The following DDX54 variants were observed in gnomAD, a reference collection of about 807,000 sequenced individuals.
DDX54 encodes DEAD-box helicase 54.
In DDX54, 67 loss-of-function variants were observed where a neutral mutation model predicts 105.5. That is an observed-to-expected ratio of 0.64 (90% CI 0.52 to 0.78). The LOEUF (loss-of-function observed/expected upper bound fraction) is 0.78. Among genes scored for constraint, DDX54 ranks in the 30% least tolerant of loss-of-function variants. The pLI is 0.00. For missense variants in DDX54, 1,206 were observed against 1,230.5 expected (o/e 0.98, Z 0.30); for synonymous variants, 514 against 509.9 (o/e 1.01, Z -0.11).
Position 113,174,697 on chromosome 12 carries a change from G to A in DDX54, c.1011C>T (p.Pro337=). The change falls in exon 10 of 20, where the codon CCC becomes CCT. Residue 337 remains proline (P), a synonymous_variant. Transcript: ENST00000306014. ...LLHLLHNVVR[P]QDQTVVFVAT... is the part of the protein sequence containing the mutation. ...CCACAAACACCACGGTCTGGTCCTG[G>A]GGCCGCACCACGTTGTGCAGCAGGT... The A allele has an allele frequency of 1.2e-6, 2 of 1,609,586 alleles. No homozygotes were observed. The highest frequency in any genetic ancestry group is 1.7e-6 in the Non-Finnish European group (2 of 1,176,200).
At chr12:113,177,393 G>C (rs751540935) in intron 5 of DDX54, 5 of 341,856 alleles carry the variant, frequency 1.5e-5, no homozygotes, top group Non-Finnish European at 2.1e-5. Context: ...TCCACCCACA[G>C]TGCCCCCAGC....
chr12:113,180,303 G>A (rs1952451669), intron 2 of DDX54, among the ~76,000 whole-genome samples: 2 of 152,112 alleles, frequency 1.3e-5, no homozygotes, highest in South Asian at 4.1e-4. Flanking sequence ...TTTAGGCGTG[G>A]TAAGGTCCTG....
At position 113,158,971 on chromosome 12, in the gene DDX54, G is replaced by T. The variant is rs764780884; in HGVS notation, c.2552C>A (p.Ser851Tyr). 1.2e-6 allele frequency: 2 copies of T among 1,611,434 alleles called. No individual in the cohort carries two copies. Among genetic ancestry groups the T allele is most frequent in the Non-Finnish European group, 1.7e-6 (2 of 1,179,162 alleles). ...FLQRGGLKQLSARNRRRVQEL... is the reference protein window; with the variant it reads ...FLQRGGLKQLYARNRRRVQEL... Reference sequence around the variant, plus strand: ...CTGGACGCGGCGGCGGTTGCGGGCAGAGAGCTGCTTGAGGCCACCACGCTG... The same window carrying T: ...CTGGACGCGGCGGCGGTTGCGGGCATAGAGCTGCTTGAGGCCACCACGCTG... Residue 851 changes from serine (S) to tyrosine (Y), a missense_variant, in exon 20 of 20, where the codon TCT (serine) becomes TAT (tyrosine). Coordinates refer to ENST00000306014, the MANE Select transcript of DDX54 (RefSeq NM_024072.4). The surrounding 1 kb of genome is among the most constrained non-coding windows in gnomAD (Gnocchi z 4.9).
intron 1 of DDX54, 150 bp downstream of exon 1, chr12:113,185,128 G>A (rs1004975417): frequency 3.9e-5 from 39 of 1,004,348 alleles, no homozygotes; most frequent in Non-Finnish European, 5.1e-5. Context: ...ACGTGCTCAG[G>A]CCGGCGGTCC....
rs1285274943 is a variant in DDX54, at chr12:113,181,249, G to T, written c.175-191C>A. 3.3e-5 allele frequency among the ~76,000 whole-genome samples: 5 copies of T among 152,016 alleles called. No individual in the cohort carries two copies. The East Asian group carries it at 5.8e-4, about 18-fold the overall frequency. On this transcript the variant is annotated intron_variant, in intron 1 of 19. Coordinates refer to ENST00000306014, the MANE Select transcript of DDX54 (RefSeq NM_024072.4). The stretch of plus-strand genomic sequence containing the variant: ...ACAGAAGTTTAGAGTGGGGTCTGCA[G>T]ATAGACTGTCTCGGTTTGAATCTCA...
Position 113,184,400 on chromosome 12 carries a change from C to G in DDX54, c.174+878G>C, listed in dbSNP as rs77429179. ...ACCAGGCCTTTGACTATTTCTTAACCCTCTAGGCCTCAGTTTCCTCCTGTA... is the reference window on the plus strand; with the variant it reads ...ACCAGGCCTTTGACTATTTCTTAACGCTCTAGGCCTCAGTTTCCTCCTGTA... On this transcript the variant is annotated intron_variant, in intron 1 of 19. Coordinates refer to ENST00000306014, the MANE Select transcript of DDX54 (RefSeq NM_024072.4). Among the ~76,000 whole-genome samples the G allele has an allele frequency of 0.012, 1,781 of 152,248 alleles. 73 individuals are homozygous for G. The East Asian group carries it at 0.15, about 13-fold the overall frequency.
chr12:113,175,296 C>A (rs1055774770), intron 7 of DDX54, 139 bp from the exon 8 acceptor site: 3 of 1,194,734 alleles, frequency 2.5e-6, no homozygotes, highest in Non-Finnish European at 3.4e-6. Context: ...ACACTTATCA[C>A]GTGACTTCAT....
intron 12 of DDX54, among the ~76,000 whole-genome samples, chr12:113,166,599 G>T (rs146609141): frequency 6.6e-6 from 1 of 152,132 alleles, no homozygotes; most frequent in African/African-American, 2.4e-5. Context: ...ACTACTCAGG[G>T]GGTGAGACAG....
chr12:113,179,763 G>A (rs1197114076), intron 3 of DDX54, among the ~76,000 whole-genome samples, 172 bp downstream of exon 3: 1 of 152,184 alleles, frequency 6.6e-6, no homozygotes, highest in Non-Finnish European at 1.5e-5. Context: ...GTCTCTGCTC[G>A]GCTCGGCCCA....
In DDX54 at chr12:113,168,379, G is replaced by C. The variant is rs550440618; in HGVS notation, c.1414+1391C>G. 4.6e-5 allele frequency among the ~76,000 whole-genome samples: 7 copies of C among 152,344 alleles called. No homozygotes were observed. In the South Asian group the frequency reaches 8.3e-4, roughly 18 times the overall value. ...CTGAGCTTGAGTCTTGGGCCTCTGG[G>C]GGGGCCTGAATCTCAGCTCCCCACC... On this transcript the variant is annotated intron_variant, in intron 12 of 19. Transcript: ENST00000306014.
At position 113,164,047 on chromosome 12, in the gene DDX54, C is replaced by G. The variant is rs1208257589; in HGVS notation, c.1938+20G>C. 12 of 1,534,892 alleles carry G rather than the reference C, an allele frequency of 7.8e-6. No homozygotes were observed. Among genetic ancestry groups the G allele is most frequent in the South Asian group, 1.2e-5 (1 of 82,886 alleles). ...CTTCCCCATACCCCAGGTCCAGGGT[C>G]CCCAGGGTGGAACCTGTACCTCCAC... On this transcript the variant is annotated intron_variant, in intron 15 of 19. Coordinates refer to ENST00000306014, the MANE Select transcript of DDX54 (RefSeq NM_024072.4).
intron 1 of DDX54, among the ~76,000 whole-genome samples, chr12:113,182,089 T>C: frequency 6.6e-6 from 1 of 152,188 alleles, no homozygotes; most frequent in East Asian, 1.9e-4. Flanking sequence ...CTCTGAGAAT[T>C]ATACAAATTA....
chr12:113,178,268 C>T (rs540100710), intron 5 of DDX54, among the ~76,000 whole-genome samples: 4 of 152,286 alleles, frequency 2.6e-5, no homozygotes, highest in African/African-American at 7.2e-5. Context: ...AAAACAAAAA[C>T]AAGCCCACGA....
chr12:113,172,754 C>T (rs1457289379), intron 10 of DDX54, among the ~76,000 whole-genome samples, 191 bp from the exon 11 acceptor site: 1 of 152,214 alleles, frequency 6.6e-6, no homozygotes, highest in African/African-American at 2.4e-5. Context: ...CTTACAACAC[C>T]TCCCACCTCT....
intron 7 of DDX54, 31 bp from the exon 8 acceptor site, chr12:113,175,188 AG>A (rs761189588): frequency 1.9e-6 from 3 of 1,567,068 alleles, no homozygotes; most frequent in Non-Finnish European, 2.6e-6. Flanking sequence ...ACTGGGTCAG[AG>A]GGGGCCTTCA....
chr12:113,171,890 G>A (rs906712892), intron 11 of DDX54, among the ~76,000 whole-genome samples: 3 of 152,228 alleles, frequency 2.0e-5, no homozygotes, highest in South Asian at 2.1e-4. Flanking sequence ...AAAAACACAC[G>A]CACGGCACCT....
intron 1 of DDX54, among the ~76,000 whole-genome samples, chr12:113,181,803 C>T (rs1278715848): frequency 6.6e-6 from 1 of 152,028 alleles, no homozygotes; most frequent in Non-Finnish European, 1.5e-5. Context: ...AAATCCAATC[C>T]AGACACCTCC....
intron 11 of DDX54, among the ~76,000 whole-genome samples, chr12:113,171,413 C>A (rs1952337921): frequency 6.6e-6 from 1 of 151,914 alleles, no homozygotes; most frequent in Non-Finnish European, 1.5e-5. Context: ...ACCACCTTGG[C>A]CAACATGGTG....
In DDX54 at chr12:113,183,902, T is replaced by A. The variant is rs1472932356; in HGVS notation, c.174+1376A>T. 3 of 152,222 alleles carry A rather than the reference T, an allele frequency of 2.0e-5. No homozygotes were observed. In the East Asian group the frequency reaches 5.8e-4, roughly 30 times the overall value. 9.4% of individuals were successfully genotyped at this position (152,222 alleles called of 1,614,324 possible). ...CCCAGGTTTAAGTGATCCTCCCACA[T>A]TGCCTCTCCAGGAGGTGGGACCACA... On this transcript the variant is annotated intron_variant, in intron 1 of 19. Coordinates refer to ENST00000306014, the MANE Select transcript of DDX54 (RefSeq NM_024072.4).
Sources: gnomAD v4.1 joint callset for allele counts (sites outside exome capture counted in the v4.1 genomes callset) on GRCh38, gnomAD v4.1.1 for gene constraint, Gnocchi (gnomAD v3.1) non-coding constraint, MANE v1.5 for transcripts, NCBI Gene and HGNC (gene_info 2026-07-23, HGNC 2026-07-21) for gene names.